DAPK1: variants seen among roughly 807,000 people sequenced by gnomAD.
DAPK1 encodes the protein death associated protein kinase 1, also known as death-associated protein kinase 1.
Under a neutral mutation model 144.9 loss-of-function variants are expected in DAPK1, and 56 were observed. The observed-to-expected ratio is 0.39, with a 90% CI of 0.31 to 0.48. DAPK1 has a LOEUF of 0.48. DAPK1 is among the 20% of genes least tolerant of loss of function. DAPK1 has a pLI of 0.95. For synonymous variants in DAPK1, 690 were observed against 749.0 expected, an observed-to-expected ratio of 0.92 and a Z score of 1.29; for missense variants, 1,454 against 1,875.4, an observed-to-expected ratio of 0.78 and a Z score of 4.15.
At chr9:87,505,877 G>T (rs1824568871) in intron 2 of DAPK1, among the ~76,000 whole-genome samples, 1 of 152,076 alleles carries the variant, frequency 6.6e-6, no homozygotes. Context: ...TAGTAGAGGT[G>T]GGGTTTCGCC....
intron 20 of DAPK1, among the ~76,000 whole-genome samples, chr9:87,684,644 A>T (rs1295030288): frequency 6.6e-6 from 1 of 152,124 alleles, no homozygotes. Flanking sequence ...AAAACATCCA[A>T]GGTCATAGGA....
At chr9:87,549,161 G>C (rs1309620269) in intron 2 of DAPK1, among the ~76,000 whole-genome samples, 1 of 151,952 alleles carries the variant, frequency 6.6e-6, no homozygotes, top group Non-Finnish European at 1.5e-5. Context: ...TCATCACTCA[G>C]CTCCCACTTA....
intron 2 of DAPK1, among the ~76,000 whole-genome samples, chr9:87,507,265 T>G (rs1031109831): frequency 2.0e-5 from 3 of 152,200 alleles, no homozygotes; most frequent in Non-Finnish European, 2.9e-5. Flanking sequence ...CTGGCTGGAA[T>G]GCAATGGCGC....
chr9:87,527,662 C>A (rs1245394269), intron 2 of DAPK1, among the ~76,000 whole-genome samples: 1 of 152,204 alleles, frequency 6.6e-6, no homozygotes, highest in African/African-American at 2.4e-5. Context: ...AAATTGTCTT[C>A]CATTAACAAA....
chr9:87,560,856 G>T (rs1826888547), intron 2 of DAPK1, among the ~76,000 whole-genome samples: 1 of 151,934 alleles, frequency 6.6e-6, no homozygotes, highest in Non-Finnish European at 1.5e-5. Context: ...AGTAGAGACG[G>T]AGTTTCACCG....
At chr9:87,667,419 G>A (rs1410593443) in intron 18 of DAPK1, among the ~76,000 whole-genome samples, 1 of 152,200 alleles carries the variant, frequency 6.6e-6, no homozygotes, top group Non-Finnish European at 1.5e-5. Flanking sequence ...TCACAACTGG[G>A]AGTTAGGGGG....
At position 87,686,532 on chromosome 9, in the gene DAPK1, G is replaced by A; in HGVS notation, c.2225-19G>A. ...CGCTGCCCCCATCGAGTACTCATGT[G>A]ATCCTTTCCATCCTGCAGTCTCAGT... On this transcript the variant is annotated intron_variant, in intron 20 of 25. Coordinates refer to ENST00000408954, the MANE Select transcript of DAPK1 (RefSeq NM_004938.4). The surrounding 1 kb of genome is among the most constrained non-coding windows in gnomAD (Gnocchi z 4.2). 2 of 1,474,422 alleles carry A rather than the reference G, an allele frequency of 1.4e-6. No individual in the cohort carries two copies. The highest frequency in any genetic ancestry group is 1.9e-6 in the Non-Finnish European group (2 of 1,076,350). 91.3% of individuals were successfully genotyped at this position (1,474,422 alleles called of 1,614,324 possible).
In DAPK1 at chr9:87,586,765, GC is replaced by G. The variant is rs1300284526; in HGVS notation, c.63-18187del. On this transcript the variant is annotated intron_variant, in intron 2 of 25. Transcript: ENST00000408954. ...CATTAACTCTTCTGAATCTGTGACA[GC>G]CAGCATTTGGAAAGTTAATTCGAGT... Among the ~76,000 whole-genome samples, 14 of 152,326 alleles carry G rather than the reference GC, an allele frequency of 9.2e-5. No individual in the cohort carries two copies. In the East Asian group the frequency reaches 2.7e-3, roughly 29 times the overall value.
intron 2 of DAPK1, among the ~76,000 whole-genome samples, chr9:87,604,064 A>T (rs1828622811): frequency 6.6e-6 from 1 of 152,138 alleles, no homozygotes; most frequent in African/African-American, 2.4e-5. Context: ...CCATGGTGTC[A>T]CTGCAGACCT....
chr9:87,651,063 ATCTGCTTCTCATTTATATG>A (rs1830427607), intron 16 of DAPK1, among the ~76,000 whole-genome samples: 1 of 152,208 alleles, frequency 6.6e-6, no homozygotes, highest in African/African-American at 2.4e-5. Context: ...CACATGTTAA[ATCTGCTTCTCATTTATATG>A]ACAGCCCTTG....
intron 2 of DAPK1, among the ~76,000 whole-genome samples, chr9:87,521,523 G>A (rs1472713360): frequency 6.6e-6 from 1 of 152,208 alleles, no homozygotes; most frequent in Non-Finnish European, 1.5e-5. Context: ...AAGAATCACA[G>A]GAAAGGAGGG....
chr9:87,653,682 T>A (rs920675154), intron 17 of DAPK1, among the ~76,000 whole-genome samples: 12 of 143,518 alleles, frequency 8.4e-5, no homozygotes, highest in African/African-American at 3.1e-4. Flanking sequence ...TTATTTATTT[T>A]ATTTATTATC....
chr9:87,534,014 A>G (rs760019851), intron 2 of DAPK1, among the ~76,000 whole-genome samples: 1 of 152,092 alleles, frequency 6.6e-6, no homozygotes, highest in Admixed American at 6.6e-5. Context: ...CTTTAGGCCC[A>G]TTTAGTTATA....
Position 87,535,540 on chromosome 9 carries a change from GT to G in DAPK1, c.62+36403del, listed in dbSNP as rs1439785851. On this transcript the variant is annotated intron_variant, in intron 2 of 25. Transcript: ENST00000408954. ...TCTCCTTTGATATCAAATATATAAT[GT>G]TCCTTTAATGTAATACTGTCTATAA... 5.9e-5 allele frequency among the ~76,000 whole-genome samples: 9 copies of G among 152,200 alleles called. No individual in the cohort carries two copies. The East Asian group carries it at 1.7e-3, about 29-fold the overall frequency.
chr9:87,642,095 G>A (rs1330282184), intron 10 of DAPK1, 37 bp downstream of exon 10: 9 of 1,567,338 alleles, frequency 5.7e-6, no homozygotes, highest in Non-Finnish European at 7.9e-6. Context: ...AACAAATTCT[G>A]TTTCCTGTGT....
intron 17 of DAPK1, among the ~76,000 whole-genome samples, chr9:87,655,903 G>A (rs1415400360): frequency 2.6e-5 from 4 of 152,106 alleles, no homozygotes; most frequent in Non-Finnish European, 5.9e-5. Flanking sequence ...GGTGTTTATC[G>A]AGGCCCTTCC....
intron 2 of DAPK1, among the ~76,000 whole-genome samples, chr9:87,598,970 T>C (rs1014223963): frequency 2.6e-5 from 4 of 152,196 alleles, no homozygotes; most frequent in South Asian, 2.1e-4. Context: ...TTAGAACACC[T>C]TGTGAGTCTT....
chr9:87,570,125 A>G (rs1311816853), intron 2 of DAPK1, among the ~76,000 whole-genome samples: 2 of 152,172 alleles, frequency 1.3e-5, no homozygotes, highest in African/African-American at 2.4e-5. Context: ...CACTTTGATA[A>G]GAGAAAAATT....
At chr9:87,663,505 C>T (rs1477269163) in intron 18 of DAPK1, among the ~76,000 whole-genome samples, 1 of 152,116 alleles carries the variant, frequency 6.6e-6, no homozygotes, top group African/African-American at 2.4e-5. Flanking sequence ...AGCTGCTGCC[C>T]CTAAGCCTCT....
Sources: gnomAD v4.1 joint callset for allele counts (sites outside exome capture counted in the v4.1 genomes callset) on GRCh38, gnomAD v4.1.1 for gene constraint, Gnocchi (gnomAD v3.1) non-coding constraint, MANE v1.5 for transcripts, NCBI Gene and HGNC (gene_info 2026-07-23, HGNC 2026-07-21) for gene names.